Variants in SPIRE2 observed in about 807,000 individuals in gnomAD.
SPIRE2 encodes the protein protein spire homolog 2.
In SPIRE2, 76 loss-of-function variants were observed where a neutral mutation model predicts 80.7. The ratio of observed to expected loss-of-function variants is 0.94; its 90% confidence interval spans 0.78 to 1.14. The LOEUF is 1.14. SPIRE2 is among the 50% of genes most tolerant of loss of function. The pLI is 0.00. For synonymous variants in SPIRE2, 535 were observed against 432.6 expected (o/e 1.24, Z -2.94); for missense variants, 1,196 against 1,015.3 (o/e 1.18, Z -2.42).
intron 1 of SPIRE2, among the ~76,000 whole-genome samples, chr16:89,844,640 G>A (rs35385024): frequency 5.3e-5 from 8 of 152,062 alleles, no homozygotes; most frequent in Non-Finnish European, 1.0e-4. Flanking sequence ...GGGTTTCACC[G>A]TGTTAGCCAG....
At chr16:89,864,192 CCA>C (rs1448908834) in intron 12 of SPIRE2, among the ~76,000 whole-genome samples, 1 of 152,164 alleles carries the variant, frequency 6.6e-6, no homozygotes, top group African/African-American at 2.4e-5. Context: ...CCTGCCATCA[CCA>C]CAGTCATTGC....
At chr16:89,840,336 A>G (rs376826888) in intron 1 of SPIRE2, among the ~76,000 whole-genome samples, 28 of 128,368 alleles carry the variant, frequency 2.2e-4, no homozygotes, top group African/African-American at 6.7e-4. Flanking sequence ...TGCAAGCTCC[A>G]CCTCCCGGGT....
chr16:89,835,004 C>G (rs1221000811), intron 1 of SPIRE2, among the ~76,000 whole-genome samples: 1 of 149,800 alleles, frequency 6.7e-6, no homozygotes, highest in African/African-American at 2.5e-5. Context: ...ATCTGTGAAC[C>G]TGCCCGCACT....
intron 12 of SPIRE2, 119 bp from the exon 13 acceptor site, chr16:89,868,070 A>G (rs2041805370): frequency 9.1e-7 from 1 of 1,094,714 alleles, no homozygotes; most frequent in Non-Finnish European, 1.4e-6. Context: ...GTAACCAAGC[A>G]TCAGGCAGAA....
At chr16:89,854,710 G>T in intron 5 of SPIRE2, 59 bp downstream of exon 5, 1 of 1,569,274 alleles carries the variant, frequency 6.4e-7, no homozygotes, top group African/African-American at 1.4e-5. Context: ...GAGCGGGGCG[G>T]ACGCAGATGA....
intron 1 of SPIRE2, among the ~76,000 whole-genome samples, chr16:89,844,888 C>T (rs748707148): frequency 5.3e-5 from 8 of 152,228 alleles, no homozygotes; most frequent in Non-Finnish European, 1.2e-4. Flanking sequence ...TGGCCTCCTA[C>T]TCCACCTGCC....
At chr16:89,831,773 C>A (rs909719902) in intron 1 of SPIRE2, among the ~76,000 whole-genome samples, 17 of 151,256 alleles carry the variant, frequency 1.1e-4, no homozygotes, top group South Asian at 8.3e-4. Flanking sequence ...TCCAGGTATC[C>A]CCCGCCCTTT....
Position 89,863,433 on chromosome 16 carries a change from A to G in SPIRE2, c.1576-43A>G. 1 of 1,610,642 alleles carries G rather than the reference A, an allele frequency of 6.2e-7. No individual in the cohort carries two copies. Among genetic ancestry groups the G allele is most frequent in the Non-Finnish European group, 8.5e-7 (1 of 1,178,050 alleles). Reference sequence around the variant, plus strand: ...TCAGGGAAGGAGAGTAAGCTAGGGGAGCCTCCTGCATAGAAGACTTCCTAC... The same window carrying G: ...TCAGGGAAGGAGAGTAAGCTAGGGGGGCCTCCTGCATAGAAGACTTCCTAC... On this transcript the variant is annotated intron_variant, in intron 10 of 14. Transcript: ENST00000378247. The surrounding 1 kb of genome is among the most constrained non-coding windows in gnomAD (Gnocchi z 4.3).
rs1319676044 is a variant in SPIRE2 at position 89,848,986 on chromosome 16, C to G, written c.289-1318C>G. ...TTCTGTGGTGTTTCTGCAGGACAGA[C>G]GAGGCAGGTTCCAGGGCCTTCTGTG... On this transcript the variant is annotated intron_variant, in intron 2 of 14. Coordinates refer to ENST00000378247, the MANE Select transcript of SPIRE2 (RefSeq NM_032451.2). Among the ~76,000 whole-genome samples the G allele has an allele frequency of 2.1e-5, 3 of 141,058 alleles. No homozygotes were observed. In the East Asian group the frequency reaches 8.2e-4, roughly 38 times the overall value. 92.5% of individuals were successfully genotyped at this position (141,058 alleles called of 152,430 possible). A position where few individuals can be genotyped will look rare whatever the true frequency, so the allele number is the denominator to read the frequency against.
chr16:89,856,589 C>CA lies in SPIRE2; in HGVS notation c.1102+354dup. 1.3e-5 allele frequency among the ~76,000 whole-genome samples: 2 copies of CA among 149,596 alleles called. 1 individual carries two copies. Among genetic ancestry groups the CA allele is most frequent in the Non-Finnish European group, 3.0e-5 (2 of 67,662 alleles). On this transcript the variant is annotated intron_variant, in intron 7 of 14. Coordinates refer to ENST00000378247, the MANE Select transcript of SPIRE2 (RefSeq NM_032451.2). ...CTTCCTGGGCAGCTGGGATTACAGG[C>CA]ACGTGCCACCACGCCTGGCTAATTT...
Position 89,863,901 on chromosome 16 carries a change from G to C in SPIRE2, c.1778+40G>C, listed in dbSNP as rs557346368. The C allele has an allele frequency of 1.9e-6, 3 of 1,553,176 alleles. No homozygotes were observed. The highest frequency in any genetic ancestry group is 2.6e-6 in the Non-Finnish European group (3 of 1,132,108). On this transcript the variant is annotated intron_variant, in intron 12 of 14. Transcript: ENST00000378247. This position sits in a 1 kb window ranked among gnomAD's most constrained non-coding sequence, Gnocchi z 4.3. ...TAGCTGTCAGTTCACAAGGGAAGGA[G>C]GAGGCGAGAAACCTCGGGGCAGTAC...
chr16:89,845,888 G>C (rs1056512714), intron 2 of SPIRE2: 26 of 520,612 alleles, frequency 5.0e-5, no homozygotes, highest in African/African-American at 4.9e-4. Flanking sequence ...TTTTGCTTTT[G>C]TTCATTTTAT....
In SPIRE2 at chr16:89,844,309, C is replaced by T. The variant is rs117751204; in HGVS notation, c.245-1013C>T. 7.8e-3 allele frequency among the ~76,000 whole-genome samples: 1,185 copies of T among 152,198 alleles called. 5 individuals carry two copies. The highest frequency in any genetic ancestry group is 1.0e-2 in the Non-Finnish European group (678 of 68,012). On this transcript the variant is annotated intron_variant, in intron 1 of 14. Coordinates refer to ENST00000378247, the MANE Select transcript of SPIRE2 (RefSeq NM_032451.2). Reference sequence around the variant, plus strand: ...TCAGTCTCCTGAGTAGCTGGGATTACAGGTGCTCTCCACTATGCCTGGCTC... The same window carrying T: ...TCAGTCTCCTGAGTAGCTGGGATTATAGGTGCTCTCCACTATGCCTGGCTC...
At chr16:89,868,303 C>T (rs1345623543) in intron 13 of SPIRE2, 87 bp downstream of exon 13, 1 of 1,313,402 alleles carries the variant, frequency 7.6e-7, no homozygotes. Flanking sequence ...ATGATGCTGC[C>T]TCACCAGGCA....
At chr16:89,867,937 A>G (rs1479759988) in intron 12 of SPIRE2, among the ~76,000 whole-genome samples, 1 of 152,154 alleles carries the variant, frequency 6.6e-6, no homozygotes, top group Non-Finnish European at 1.5e-5. Context: ...GGCAATAGAA[A>G]ACTTGGCAGG....
intron 3 of SPIRE2, among the ~76,000 whole-genome samples, chr16:89,852,147 G>T (rs1368732756): frequency 5.8e-5 from 1 of 17,330 alleles, no homozygotes; most frequent in African/African-American, 2.9e-4. Context: ...CCACCCCCCA[G>T]ATCCCATGGC....
chr16:89,855,486 G>A, intron 5 of SPIRE2, 114 bp from the exon 6 acceptor site: 1 of 838,452 alleles, frequency 1.2e-6, no homozygotes, highest in Non-Finnish European at 1.9e-6. Flanking sequence ...CAAAGAGTGG[G>A]AGGGCGGGTA....
chr16:89,832,356 G>C (rs6500457), intron 1 of SPIRE2, among the ~76,000 whole-genome samples: 98,808 of 152,158 alleles, frequency 0.65, 33,050 homozygotes, highest in East Asian at 0.98. Context: ...TAAAATAGCA[G>C]TCTGCAAACG....
Position 89,863,739 on chromosome 16 carries a change from C to T in SPIRE2, c.1711-55C>T, listed in dbSNP as rs567388348. 76 of 1,606,112 alleles carry T rather than the reference C, an allele frequency of 4.7e-5. 1 individual carries two copies. Among genetic ancestry groups the T allele is most frequent in the African/African-American group, 1.5e-4 (11 of 74,844 alleles). ...CCCTGAGGGGGTAGCAGGGACAGGG[C>T]GGGACCCCAGGGAGCTTTGGACAAA... On this transcript the variant is annotated intron_variant, in intron 11 of 14. Transcript: ENST00000378247. The surrounding 1 kb of genome is among the most constrained non-coding windows in gnomAD (Gnocchi z 4.3).
Sources: allele counts gnomAD v4.1 joint callset (sites outside exome capture counted in the v4.1 genomes callset), GRCh38; gene constraint gnomAD v4.1.1; non-coding constraint Gnocchi (gnomAD v3.1); transcripts MANE v1.5; gene names NCBI Gene and HGNC (gene_info 2026-07-23, HGNC 2026-07-21).